The following ZNF475 variants were observed in gnomAD, a reference collection of about 807,000 sequenced individuals.
ZNF475 encodes zinc finger protein 475.
chr5:122,167,347 GA>G, the ZNF475 span, among the ~76,000 whole-genome samples: 1 of 151,486 alleles, frequency 6.6e-6, no homozygotes, highest in East Asian at 1.9e-4. Flanking sequence ...TTAATGTCCT[GA>G]AAAAAAAGTC....
the ZNF475 span, among the ~76,000 whole-genome samples, chr5:122,169,673 G>A: frequency 0.13 from 20,097 of 152,016 alleles, 1,456 homozygotes; most frequent in South Asian, 0.2. Context: ...GTCAAGAGGC[G>A]GGGGGTGGAG....
At chr5:122,182,366 T>G in the ZNF475 span, 8 of 678,240 alleles carry the variant, frequency 1.2e-5, no homozygotes, top group Non-Finnish European at 1.8e-5. Context: ...TGAAAATATT[T>G]TCCATAGAAA....
At chr5:122,172,881 A>C in the ZNF475 span, among the ~76,000 whole-genome samples, 3 of 152,008 alleles carry the variant, frequency 2.0e-5, no homozygotes, top group Non-Finnish European at 4.4e-5. Context: ...AAAATACAAA[A>C]AATTAGCTGG....
the ZNF475 span, among the ~76,000 whole-genome samples, chr5:122,176,027 G>C: frequency 6.6e-6 from 1 of 152,240 alleles, no homozygotes; most frequent in South Asian, 2.1e-4. Flanking sequence ...GGAATCCACT[G>C]ATAACTCCAT....
chr5:122,169,276 C>T, the ZNF475 span, among the ~76,000 whole-genome samples: 1 of 152,204 alleles, frequency 6.6e-6, no homozygotes, highest in African/African-American at 2.4e-5. Context: ...TCATTGGCTT[C>T]TGATCAAAAC....
chr5:122,178,801 G>C, the ZNF475 span, among the ~76,000 whole-genome samples: 80 of 152,214 alleles, frequency 5.3e-4, 1 homozygote, highest in East Asian at 0.015. Context: ...TAGTCATGAA[G>C]TCTTTGCCCA....
chr5:122,179,589 A>G, the ZNF475 span: 61 of 1,527,574 alleles, frequency 4.0e-5, no homozygotes, highest in East Asian at 1.3e-3. Flanking sequence ...TGTTTGCTAC[A>G]TTTGTGGTCG....
At chr5:122,161,504 A>G in the ZNF475 span, among the ~76,000 whole-genome samples, 7 of 152,218 alleles carry the variant, frequency 4.6e-5, no homozygotes, top group Non-Finnish European at 1.0e-4. Flanking sequence ...TTTCTGGCCT[A>G]TCCAAGGTGG....
the ZNF475 span, among the ~76,000 whole-genome samples, chr5:122,170,038 T>C: frequency 1.3e-5 from 2 of 152,226 alleles, no homozygotes; most frequent in Non-Finnish European, 2.9e-5. Context: ...TTCAATTATG[T>C]TTCATCATAC....
At chr5:122,165,565 T>C in the ZNF475 span, among the ~76,000 whole-genome samples, 1 of 152,154 alleles carries the variant, frequency 6.6e-6, no homozygotes, top group African/African-American at 2.4e-5. Context: ...CTTTTTCTGA[T>C]TTGCTCCAAG....
the ZNF475 span, among the ~76,000 whole-genome samples, chr5:122,170,002 A>G: frequency 1.2e-4 from 18 of 152,334 alleles, no homozygotes; most frequent in East Asian, 2.5e-3. Flanking sequence ...ACTGCTTTTT[A>G]AAGTAATGGA....
At chr5:122,172,893 C>T in the ZNF475 span, among the ~76,000 whole-genome samples, 1 of 152,050 alleles carries the variant, frequency 6.6e-6, no homozygotes, top group African/African-American at 2.4e-5. Context: ...ATTAGCTGGG[C>T]ATGGTGGCAG....
the ZNF475 span, among the ~76,000 whole-genome samples, chr5:122,166,350 T>A: frequency 6.6e-6 from 1 of 152,236 alleles, no homozygotes; most frequent in Admixed American, 6.5e-5. Context: ...ATGTTTCTTT[T>A]TTTTTTTAGT....
chr5:122,167,179 C>G, the ZNF475 span, among the ~76,000 whole-genome samples: 2 of 152,270 alleles, frequency 1.3e-5, no homozygotes, highest in African/African-American at 2.4e-5. Context: ...TTCAAACAGA[C>G]AAGATGCCAT....
chr5:122,163,689 T>C, the ZNF475 span, among the ~76,000 whole-genome samples: 1,193 of 152,314 alleles, frequency 7.8e-3, 11 homozygotes, highest in Non-Finnish European at 0.011. Context: ...CCCTCAGACC[T>C]TGGCAAGATG....
the ZNF475 span, among the ~76,000 whole-genome samples, chr5:122,181,054 A>G: frequency 6.6e-6 from 1 of 152,098 alleles, no homozygotes; most frequent in Admixed American, 6.6e-5. Flanking sequence ...TAGAAGTAAG[A>G]GGAATGATTG....
the ZNF475 span, among the ~76,000 whole-genome samples, chr5:122,176,432 GT>G: frequency 6.6e-6 from 1 of 152,082 alleles, no homozygotes; most frequent in Admixed American, 6.6e-5. Flanking sequence ...CAAAATCAAT[GT>G]TTTTCTCCTT....
At chr5:122,179,711 A>C in the ZNF475 span, 1 of 1,523,224 alleles carries the variant, frequency 6.6e-7, no homozygotes, top group African/African-American at 1.4e-5. Flanking sequence ...CTAAAAAACC[A>C]GAAGTCAGGA....
the ZNF475 span, among the ~76,000 whole-genome samples, chr5:122,167,765 C>G: frequency 6.6e-6 from 1 of 152,224 alleles, no homozygotes; most frequent in African/African-American, 2.4e-5. Context: ...AGACATAGAA[C>G]ATTTTCATTA....
Sources: gnomAD v4.1 joint callset for allele counts (sites outside exome capture counted in the v4.1 genomes callset) on GRCh38, gnomAD v4.1.1 for gene constraint, MANE v1.5 for transcripts, NCBI Gene and HGNC (gene_info 2026-07-23, HGNC 2026-07-21) for gene names.